Variants in TMOD3 observed in about 807,000 individuals in gnomAD.
TMOD3 encodes tropomodulin 3.
TMOD3 carries 20 observed loss-of-function variants against 39.2 expected under a neutral mutation model. The observed-to-expected ratio is 0.51, with a 90% CI of 0.36 to 0.74. The LOEUF is 0.74. Among genes scored for constraint, TMOD3 ranks in the 30% least tolerant of loss-of-function variants. The probability of loss-of-function intolerance (pLI) is 0.00; values close to 1 mark genes in which losing one functional copy is unlikely to be tolerated. For synonymous variants in TMOD3, 143 were observed against 145.8 expected (o/e 0.98, Z 0.14); for missense variants, 381 against 412.8 (o/e 0.92, Z 0.67).
intron 3 of TMOD3, among the ~76,000 whole-genome samples, chr15:51,870,302 G>A (rs1322114949): frequency 6.6e-6 from 1 of 152,162 alleles, no homozygotes; most frequent in Non-Finnish European, 1.5e-5. Context: ...AAGTTTTTCA[G>A]CTTTCCAAAC....
intron 6 of TMOD3, among the ~76,000 whole-genome samples, chr15:51,895,282 T>C (rs1417987346): frequency 6.6e-6 from 1 of 151,284 alleles, no homozygotes; most frequent in East Asian, 1.9e-4. Context: ...AGTGGTGCGA[T>C]CTTGGCTCAC....
chr15:51,876,796 A>G (rs548134518), intron 3 of TMOD3, among the ~76,000 whole-genome samples: 1 of 152,228 alleles, frequency 6.6e-6, no homozygotes, highest in East Asian at 1.9e-4. Flanking sequence ...TCTTCCGTCC[A>G]GGCATGATGG....
intron 5 of TMOD3, among the ~76,000 whole-genome samples, chr15:51,893,418 A>G (rs2056604607): frequency 6.6e-6 from 1 of 151,738 alleles, no homozygotes; most frequent in South Asian, 2.1e-4. Flanking sequence ...ATATGCGTGT[A>G]TGAGAGAGAG....
At chr15:51,842,017 C>T (rs1233678956) in intron 1 of TMOD3, among the ~76,000 whole-genome samples, 1 of 152,160 alleles carries the variant, frequency 6.6e-6, no homozygotes, top group Non-Finnish European at 1.5e-5. Context: ...CTCAAGTGAT[C>T]CACCCACCTT....
At chr15:51,833,807 T>C (rs2056267830) in intron 1 of TMOD3, among the ~76,000 whole-genome samples, 1 of 152,250 alleles carries the variant, frequency 6.6e-6, no homozygotes, top group African/African-American at 2.4e-5. Context: ...TACAAGTTTC[T>C]TGATAAATAC....
intron 1 of TMOD3, among the ~76,000 whole-genome samples, chr15:51,830,069 G>A (rs1297955244): frequency 6.6e-6 from 1 of 152,080 alleles, no homozygotes; most frequent in Non-Finnish European, 1.5e-5. Flanking sequence ...CTAGGCGCGC[G>A]AACCTGGCGT....
Position 51,869,303 on chromosome 15 carries a change from A to C in TMOD3, c.213A>C (p.Ser71=). Residue 71 remains serine, a synonymous_variant, in exon 3 of 10, where the codon TCA becomes TCC. Coordinates refer to ENST00000308580, the MANE Select transcript of TMOD3 (RefSeq NM_014547.5). Reference sequence around the variant, plus strand: ...CATTTGATAGAGAGCATCTCCTTTCATATCTGGAGAAAGAAGCATTGGAGC... The same window carrying C: ...CATTTGATAGAGAGCATCTCCTTTCCTATCTGGAGAAAGAAGCATTGGAGC... ...TGPFDREHLL[S]YLEKEALEHK... 2 of 1,614,150 alleles carry C rather than the reference A, an allele frequency of 1.2e-6. No individual in the cohort carries two copies. Among genetic ancestry groups the C allele is most frequent in the Non-Finnish European group, 1.7e-6 (2 of 1,179,994 alleles).
At chr15:51,869,621 C>G (rs376321851) in intron 3 of TMOD3, among the ~76,000 whole-genome samples, 1 of 152,116 alleles carries the variant, frequency 6.6e-6, no homozygotes, top group Non-Finnish European at 1.5e-5. Flanking sequence ...TTCTTTAATT[C>G]TCTACTATAA....
Position 51,852,593 on chromosome 15 carries a change from C to T in TMOD3, c.-74-10218C>T, listed in dbSNP as rs141240760. Among the ~76,000 whole-genome samples the T allele has an allele frequency of 5.5e-3, 840 of 152,078 alleles. 4 individuals are homozygous for T. The highest frequency in any genetic ancestry group is 0.011 in the African/African-American group (464 of 41,478). ...TGAAGAAGGGGCTGCAAAGGATCAA[C>T]GGAAGTATCAAAAATTCATTTTCAG... On this transcript the variant is annotated intron_variant, in intron 1 of 9. Transcript: ENST00000308580.
chr15:51,837,073 T>TATAC (rs2056289183), intron 1 of TMOD3, among the ~76,000 whole-genome samples: 1 of 151,270 alleles, frequency 6.6e-6, no homozygotes, highest in Non-Finnish European at 1.5e-5. Flanking sequence ...CTGGGTTTGA[T>TATAC]ATATATATAT....
intron 1 of TMOD3, among the ~76,000 whole-genome samples, chr15:51,857,877 AT>A (rs1595894664): frequency 6.6e-6 from 1 of 151,964 alleles, no homozygotes; most frequent in South Asian, 2.1e-4. Flanking sequence ...TAAAGGGAAA[AT>A]TTTTTTAAGT....
intron 3 of TMOD3, among the ~76,000 whole-genome samples, chr15:51,883,711 AT>A (rs1469136749): frequency 4.6e-5 from 7 of 152,178 alleles, no homozygotes; most frequent in Non-Finnish European, 7.4e-5. Context: ...AGCATACAAG[AT>A]TAACTAAACC....
At position 51,862,829 on chromosome 15, in the gene TMOD3, A is replaced by C; in HGVS notation, c.-56A>C. Reference sequence around the variant, plus strand: ...TCCATAGCTTTAAGAAAAAGTAGAGATCACTTCTGACTGTACTGAACAGCA... The same window carrying C: ...TCCATAGCTTTAAGAAAAAGTAGAGCTCACTTCTGACTGTACTGAACAGCA... On this transcript the variant is annotated 5_prime_UTR_variant, in exon 2 of 10. Transcript: ENST00000308580. The C allele has an allele frequency of 1.3e-6, 2 of 1,525,142 alleles. No homozygotes were observed. Among genetic ancestry groups the C allele is most frequent in the Non-Finnish European group, 1.8e-6 (2 of 1,138,440 alleles). The allele number at this position is 1,525,142 out of a possible 1,614,324, so 94.5% of individuals were successfully genotyped here.
chr15:51,861,298 C>A, intron 1 of TMOD3: 2 of 357,348 alleles, frequency 5.6e-6, no homozygotes, highest in South Asian at 5.5e-5. Flanking sequence ...GCCATGAGGT[C>A]CGAACTCTAC....
intron 1 of TMOD3, among the ~76,000 whole-genome samples, chr15:51,844,852 A>G (rs2056328114): frequency 3.3e-5 from 5 of 152,200 alleles, no homozygotes; most frequent in Admixed American, 3.3e-4. Context: ...GCATTTATTA[A>G]TACGGTCATA....
Position 51,887,577 on chromosome 15 carries a change from T to G in TMOD3, c.284-12T>G, listed in dbSNP as rs1353637498. 1.9e-6 allele frequency: 3 copies of G among 1,608,492 alleles called. No homozygotes were observed. Among genetic ancestry groups the G allele is most frequent in the Non-Finnish European group, 2.5e-6 (3 of 1,178,638 alleles). ...AGTAGTAATGGAATTAACAAAATGC[T>G]TTATTTTACAGGGAAAATATTTATC... On this transcript the variant is annotated splice_polypyrimidine_tract_variant and intron_variant, in intron 3 of 9. Coordinates refer to ENST00000308580, the MANE Select transcript of TMOD3 (RefSeq NM_014547.5).
intron 1 of TMOD3, among the ~76,000 whole-genome samples, chr15:51,854,964 T>C (rs2056380800): frequency 6.6e-6 from 1 of 152,154 alleles, no homozygotes; most frequent in Admixed American, 6.5e-5. Context: ...AAATAAGTGA[T>C]AAATGAAAAG....
chr15:51,888,913 A>G, intron 4 of TMOD3, 143 bp from the exon 5 acceptor site: 2 of 579,652 alleles, frequency 3.5e-6, no homozygotes, highest in Admixed American at 3.6e-5. Flanking sequence ...GGTGATTTTT[A>G]ATCATTTTGT....
At chr15:51,831,540 T>G (rs575706787) in intron 1 of TMOD3, among the ~76,000 whole-genome samples, 5 of 152,260 alleles carry the variant, frequency 3.3e-5, no homozygotes, top group African/African-American at 9.6e-5. Context: ...GGGGAGGTAA[T>G]TTTAGAGGTA....
Sources: allele counts gnomAD v4.1 joint callset (sites outside exome capture counted in the v4.1 genomes callset), GRCh38; gene constraint gnomAD v4.1.1; transcripts MANE v1.5; gene names NCBI Gene and HGNC (gene_info 2026-07-23, HGNC 2026-07-21).